Variants in CNBD1 observed in about 807,000 individuals in gnomAD.
CNBD1 encodes cyclic nucleotide-binding domain-containing protein 1.
A neutral mutation model predicts 54.4 loss-of-function variants in CNBD1; 71 were observed. The observed-to-expected ratio is 1.30, with a 90% CI of 1.08 to 1.59. The LOEUF (loss-of-function observed/expected upper bound fraction) is 1.59. Among genes scored for constraint, CNBD1 ranks in the 40% most tolerant of loss-of-function variants. CNBD1 has a pLI of 0.00. For missense variants in CNBD1, 659 were observed against 518.0 expected (o/e 1.27, Z -2.64); for synonymous variants, 182 against 170.7 (o/e 1.07, Z -0.51).
Position 87,176,580 on chromosome 8 carries a change from G to T in CNBD1, c.432-29413G>T, listed in dbSNP as rs1441119664. The stretch of plus-strand genomic sequence containing the variant: ...CTCACTGCAACCCTCTGCCTCCCGG[G>T]TTCAAGCAATTCTGCTGCCCCAGCC... On this transcript the variant is annotated intron_variant, in intron 4 of 10. Coordinates refer to ENST00000518476, the MANE Select transcript of CNBD1 (RefSeq NM_173538.3). Among the ~76,000 whole-genome samples, 7 of 150,918 alleles carry T rather than the reference G, an allele frequency of 4.6e-5. 1 individual carries two copies. The highest frequency in any genetic ancestry group is 4.6e-4 in the Admixed American group (7 of 15,156).
rs1812968640 is a variant in CNBD1 at position 87,166,619 on chromosome 8, C to G, written c.432-39374C>G. On this transcript the variant is annotated intron_variant, in intron 4 of 10. Coordinates refer to ENST00000518476, the MANE Select transcript of CNBD1 (RefSeq NM_173538.3). The surrounding 1 kb of genome is among the most constrained non-coding windows in gnomAD (Gnocchi z 4.3). ...ATTATTTCCAAAGTCCAGCCCTTCTCACAGTTCTCTGGCTCTTTCACTTTC... is the reference window on the plus strand; with the variant it reads ...ATTATTTCCAAAGTCCAGCCCTTCTGACAGTTCTCTGGCTCTTTCACTTTC... 6.6e-6 allele frequency among the ~76,000 whole-genome samples: 1 copy of G among 151,966 alleles called. No homozygotes were observed. The highest frequency in any genetic ancestry group is 1.9e-4 in the East Asian group (1 of 5,188).
chr8:86,943,631 A>T (rs1283001988), intron 4 of CNBD1, among the ~76,000 whole-genome samples: 1 of 152,122 alleles, frequency 6.6e-6, no homozygotes, highest in Admixed American at 6.5e-5. Flanking sequence ...AGGATTACTA[A>T]ACAGACAGTG....
chr8:86,960,157 A>G (rs1377070901), intron 4 of CNBD1, among the ~76,000 whole-genome samples: 2 of 152,160 alleles, frequency 1.3e-5, no homozygotes, highest in Non-Finnish European at 2.9e-5. Context: ...GGTGCAGCCC[A>G]CAGAGTGTGA....
At chr8:86,943,365 C>CAAAAAAAAAAAAAA (rs1158061860) in intron 4 of CNBD1, among the ~76,000 whole-genome samples, 2 of 32,576 alleles carry the variant, frequency 6.1e-5, no homozygotes, top group Non-Finnish European at 6.0e-5. Context: ...GACTCCATCT[C>CAAAAAAAAAAAAAA]AAAAAAAAAA....
intron 5 of CNBD1, among the ~76,000 whole-genome samples, chr8:87,223,833 G>C (rs900652499): frequency 6.6e-6 from 1 of 152,020 alleles, no homozygotes; most frequent in African/African-American, 2.4e-5. Flanking sequence ...TTCCACAATG[G>C]TTGAACTAGT....
chr8:87,238,411 C>T (rs1209475154), intron 6 of CNBD1, among the ~76,000 whole-genome samples: 4 of 152,092 alleles, frequency 2.6e-5, no homozygotes, highest in African/African-American at 9.7e-5. Flanking sequence ...CACTGGGAAA[C>T]AGACCCAAAC....
intron 2 of CNBD1, among the ~76,000 whole-genome samples, chr8:86,904,151 A>G (rs550440123): frequency 2.6e-4 from 39 of 152,194 alleles, no homozygotes; most frequent in African/African-American, 8.7e-4. Context: ...TATTATTTAC[A>G]ATGAAAATGA....
At chr8:87,045,382 A>G (rs74805156) in intron 4 of CNBD1, among the ~76,000 whole-genome samples, 1,630 of 152,284 alleles carry the variant, frequency 0.011, 45 homozygotes, top group African/African-American at 0.037. Context: ...TAATGTGTCA[A>G]TGATTCTAAT....
intron 10 of CNBD1, among the ~76,000 whole-genome samples, chr8:87,377,398 C>A (rs981752661): frequency 6.6e-6 from 1 of 150,644 alleles, no homozygotes; most frequent in East Asian, 2.0e-4. Context: ...TGAGAATATG[C>A]GGTGTTTGGT....
intron 4 of CNBD1, among the ~76,000 whole-genome samples, chr8:86,954,422 A>G (rs878870313): frequency 1.3e-5 from 2 of 152,234 alleles, no homozygotes; most frequent in African/African-American, 2.4e-5. Context: ...AAACCAAATA[A>G]TACTCTTTTG....
chr8:87,226,659 A>C (rs1332677120), intron 5 of CNBD1, among the ~76,000 whole-genome samples: 3 of 151,792 alleles, frequency 2.0e-5, no homozygotes, highest in Non-Finnish European at 4.4e-5. Flanking sequence ...CTTTACTTCC[A>C]ACTATGTGGT....
At chr8:87,164,398 A>G (rs1359127324) in intron 4 of CNBD1, among the ~76,000 whole-genome samples, 2 of 151,834 alleles carry the variant, frequency 1.3e-5, no homozygotes, top group African/African-American at 4.8e-5. Context: ...AAAATTCACC[A>G]TTGAAGTCAT....
chr8:87,183,385 G>GTTTT (rs3056356), intron 4 of CNBD1, among the ~76,000 whole-genome samples: 2 of 118,430 alleles, frequency 1.7e-5, no homozygotes, highest in African/African-American at 3.1e-5. Flanking sequence ...TGCGCTGTTT[G>GTTTT]TTTTTTTTTT....
chr8:87,322,048 G>A (rs1352293415), intron 8 of CNBD1, among the ~76,000 whole-genome samples: 2 of 137,506 alleles, frequency 1.5e-5, no homozygotes, highest in African/African-American at 5.6e-5. Context: ...GTGAGAATAT[G>A]CGGTGTTTGG....
At chr8:87,078,341 G>A (rs1468761077) in intron 4 of CNBD1, among the ~76,000 whole-genome samples, 3 of 152,174 alleles carry the variant, frequency 2.0e-5, no homozygotes, top group Non-Finnish European at 4.4e-5. Context: ...ATAAAATAAT[G>A]TTAATGTCAG....
At chr8:87,215,014 C>T (rs1485873374) in intron 5 of CNBD1, among the ~76,000 whole-genome samples, 4 of 152,054 alleles carry the variant, frequency 2.6e-5, no homozygotes, top group Non-Finnish European at 5.9e-5. Flanking sequence ...TACATTAATG[C>T]CAAACTTATA....
chr8:87,404,231 G>A (rs891455242), intron 2 of CNBD1, among the ~76,000 whole-genome samples: 15 of 152,066 alleles, frequency 9.9e-5, no homozygotes, highest in African/African-American at 3.6e-4. Flanking sequence ...TTCAAAAGTT[G>A]GAACAGCTTG....
At chr8:87,078,775 G>C (rs907492718) in intron 4 of CNBD1, among the ~76,000 whole-genome samples, 1 of 152,184 alleles carries the variant, frequency 6.6e-6, no homozygotes, top group South Asian at 2.1e-4. Context: ...GCATGATTTA[G>C]AGTTGATCCA....
At chr8:87,113,637 G>C (rs1399707902) in intron 4 of CNBD1, among the ~76,000 whole-genome samples, 1 of 152,034 alleles carries the variant, frequency 6.6e-6, no homozygotes, top group Non-Finnish European at 1.5e-5. Context: ...AAGAAATGAT[G>C]GGCCGGGCAC....
Sources: gnomAD v4.1 joint callset for allele counts (sites outside exome capture counted in the v4.1 genomes callset) on GRCh38, gnomAD v4.1.1 for gene constraint, Gnocchi (gnomAD v3.1) non-coding constraint, MANE v1.5 for transcripts, NCBI Gene and HGNC (gene_info 2026-07-23, HGNC 2026-07-21) for gene names.